The following HAPSTR1 variants were observed in gnomAD, a reference collection of about 807,000 sequenced individuals.
HAPSTR1 encodes HUWE1 associated protein modifying stress responses, also known as HUWE1-associated protein modifying stress responses 1.
the HAPSTR1 span, chr16:9,092,843 T>C: frequency 7.2e-7 from 1 of 1,391,008 alleles, no homozygotes; most frequent in Non-Finnish European, 9.8e-7. Flanking sequence ...CAAATAACAT[T>C]CTTGTTCTCT....
chr16:9,119,403 G>A, the HAPSTR1 span: 1 of 152,142 alleles, frequency 6.6e-6, no homozygotes, highest in African/African-American at 2.4e-5. Flanking sequence ...GTTTAGTTTT[G>A]GGGAACAGAA....
chr16:9,118,138 A>G, the HAPSTR1 span: 1 of 152,642 alleles, frequency 6.6e-6, no homozygotes, highest in Non-Finnish European at 1.5e-5. Flanking sequence ...CATTTTTAAT[A>G]TCCTGAACTG....
the HAPSTR1 span, chr16:9,113,284 G>A: frequency 6.6e-6 from 1 of 152,136 alleles, no homozygotes; most frequent in Admixed American, 6.6e-5. Context: ...TGCTATGAGA[G>A]TCAGTCATAG....
chr16:9,109,533 G>C, the HAPSTR1 span: 4 of 152,112 alleles, frequency 2.6e-5, no homozygotes, highest in Non-Finnish European at 4.4e-5. Flanking sequence ...TGCAGGGCTT[G>C]GAGTTAACCC....
At chr16:9,095,577 G>A in the HAPSTR1 span, among the ~76,000 whole-genome samples, 2 of 151,916 alleles carry the variant, frequency 1.3e-5, no homozygotes, top group Admixed American at 1.3e-4. Flanking sequence ...CCAGCTTCTT[G>A]ATAACTACCA....
At chr16:9,112,871 G>A in the HAPSTR1 span, 3 of 152,062 alleles carry the variant, frequency 2.0e-5, no homozygotes, top group Admixed American at 1.3e-4. Context: ...AGTTTATCTT[G>A]TGTTAAGCAA....
chr16:9,095,629 AGAAGG>A, the HAPSTR1 span, among the ~76,000 whole-genome samples: 1 of 151,928 alleles, frequency 6.6e-6, no homozygotes, highest in Non-Finnish European at 1.5e-5. Flanking sequence ...ACCTTCATTA[AGAAGG>A]TCAGGATTGA....
chr16:9,092,679 G>T, the HAPSTR1 span, among the ~76,000 whole-genome samples: 1 of 152,110 alleles, frequency 6.6e-6, no homozygotes, highest in Non-Finnish European at 1.5e-5. Flanking sequence ...CTGCGCCGCG[G>T]CTCGTCCCTG....
chr16:9,094,629 G>T, the HAPSTR1 span, among the ~76,000 whole-genome samples: 2 of 152,090 alleles, frequency 1.3e-5, no homozygotes, highest in Admixed American at 1.3e-4. Context: ...TGTCTGGCTT[G>T]TTCCAGTTAC....
chr16:9,095,511 A>T, the HAPSTR1 span, among the ~76,000 whole-genome samples: 2 of 152,136 alleles, frequency 1.3e-5, no homozygotes, highest in Non-Finnish European at 2.9e-5. Flanking sequence ...TTTGTATAAT[A>T]TCTGACAAGG....
the HAPSTR1 span, among the ~76,000 whole-genome samples, chr16:9,095,076 G>A: frequency 6.6e-6 from 1 of 152,220 alleles, no homozygotes; most frequent in Non-Finnish European, 1.5e-5. Flanking sequence ...CATCACATAT[G>A]ATTCTTGGAT....
the HAPSTR1 span, among the ~76,000 whole-genome samples, chr16:9,094,303 G>GT: frequency 6.6e-6 from 1 of 152,264 alleles, no homozygotes. Flanking sequence ...TTATATAGCT[G>GT]TTTGTTAAAT....
the HAPSTR1 span, chr16:9,106,600 C>G: frequency 1.1e-4 from 17 of 152,028 alleles, no homozygotes; most frequent in African/African-American, 3.9e-4. Flanking sequence ...TAGTTTTTAT[C>G]AAAGCTACTT....
chr16:9,116,746 A>G, the HAPSTR1 span: 7,175 of 1,614,184 alleles, frequency 4.4e-3, 256 homozygotes, highest in African/African-American at 0.08. Context: ...AGTGGATCGA[A>G]TGCTAGTCGA....
At chr16:9,099,745 A>G in the HAPSTR1 span, among the ~76,000 whole-genome samples, 1 of 152,178 alleles carries the variant, frequency 6.6e-6, no homozygotes, top group Non-Finnish European at 1.5e-5. Context: ...AGAGCCTTCA[A>G]GAGGCCGTGT....
At chr16:9,116,774 T>C in the HAPSTR1 span, 1 of 1,614,186 alleles carries the variant, frequency 6.2e-7, no homozygotes, top group Non-Finnish European at 8.5e-7. Context: ...ATGGACTCCA[T>C]GATGTCGATT....
the HAPSTR1 span, among the ~76,000 whole-genome samples, chr16:9,094,672 C>T: frequency 2.0e-5 from 3 of 152,168 alleles, no homozygotes; most frequent in African/African-American, 4.8e-5. Context: ...GTTCGCATTG[C>T]AGGTGTGCAT....
the HAPSTR1 span, chr16:9,092,913 C>CT: frequency 1.4e-6 from 2 of 1,479,876 alleles, no homozygotes; most frequent in Admixed American, 2.2e-5. Flanking sequence ...TTTTGGCTTG[C>CT]TTTTCAGACC....
the HAPSTR1 span, chr16:9,121,632 T>G: frequency 6.6e-6 from 1 of 152,240 alleles, no homozygotes; most frequent in South Asian, 2.1e-4. Flanking sequence ...TTAAAAAATG[T>G]GAATGTTAGT....
Sources: allele counts gnomAD v4.1 joint callset (sites outside exome capture counted in the v4.1 genomes callset), GRCh38; gene constraint gnomAD v4.1.1; transcripts MANE v1.5; gene names NCBI Gene and HGNC (gene_info 2026-07-23, HGNC 2026-07-21).